FGD6: variants seen among roughly 807,000 people sequenced by gnomAD.
The protein encoded by FGD6 is FYVE, RhoGEF and PH domain containing 6, also known as FYVE, RhoGEF and PH domain-containing protein 6.
A neutral mutation model predicts 149.4 loss-of-function variants in FGD6; 90 were observed. The ratio of observed to expected loss-of-function variants is 0.60; its 90% CI spans 0.51 to 0.72. FGD6 has a LOEUF of 0.72. Ranked by LOEUF, FGD6 falls within the 30% of genes least tolerant of loss-of-function variation. The pLI is 0.00. For synonymous variants in FGD6, 527 were observed against 584.0 expected (o/e 0.90, Z 1.41); for missense variants, 1,437 against 1,684.8 (o/e 0.85, Z 2.57).
intron 5 of FGD6, among the ~76,000 whole-genome samples, chr12:95,149,532 TTA>T (rs949800578): frequency 1.4e-5 from 2 of 138,460 alleles, no homozygotes; most frequent in African/African-American, 2.6e-5. Context: ...TTATATAGTA[TTA>T]TATATATATA....
chr12:95,099,511 C>T (rs1380793054), intron 14 of FGD6, among the ~76,000 whole-genome samples: 1 of 152,174 alleles, frequency 6.6e-6, no homozygotes, highest in East Asian at 1.9e-4. Flanking sequence ...TTCCCTCATG[C>T]CAGCTTGATC....
chr12:95,212,498 A>G (rs1565926322), intron 1 of FGD6, among the ~76,000 whole-genome samples: 3 of 152,254 alleles, frequency 2.0e-5, no homozygotes, highest in African/African-American at 7.2e-5. Flanking sequence ...TAAAGCCTGT[A>G]TATCTGTAAG....
chr12:95,159,299 T>G (rs2136276707), intron 3 of FGD6, among the ~76,000 whole-genome samples: 1 of 152,242 alleles, frequency 6.6e-6, no homozygotes, highest in South Asian at 2.1e-4. Context: ...TAACTAAAAA[T>G]GTGAAAACTG....
At chr12:95,107,090 A>G (rs1489495528) in intron 12 of FGD6, 53 bp from the exon 13 acceptor site, 2 of 1,294,788 alleles carry the variant, frequency 1.5e-6, no homozygotes, top group South Asian at 1.2e-5. Flanking sequence ...TTACTGCCAC[A>G]AAGATTTTGA....
At position 95,210,559 on chromosome 12, in the gene FGD6, T is replaced by A. The variant is rs181311127; in HGVS notation, c.725A>T (p.His242Leu). ...ACATTCATCACTAGGAAGCTGTAAGTGGCAACTGTGATGATCAGGAACTTT... is the reference window on the plus strand; with the variant it reads ...ACATTCATCACTAGGAAGCTGTAAGAGGCAACTGTGATGATCAGGAACTTT... ...FEKVPDHHSC[H>L]LQLPSDECEH... The change falls in exon 2 of 21, where the codon CAC (histidine) becomes CTC (leucine). Residue 242 changes from histidine (H) to leucine (L), a missense_variant. By Grantham distance (99) the His-to-Leu change is moderately conservative (BLOSUM62 -3). Transcript: ENST00000343958. 6.2e-7 allele frequency: 1 copy of A among 1,614,206 alleles called. No homozygotes were observed.
At chr12:95,181,415 C>A (rs921536999) in intron 2 of FGD6, among the ~76,000 whole-genome samples, 1 of 152,134 alleles carries the variant, frequency 6.6e-6, no homozygotes, top group Non-Finnish European at 1.5e-5. Flanking sequence ...CACTCTTGGC[C>A]ATCTAGCTTA....
intron 8 of FGD6, 76 bp downstream of exon 8, chr12:95,134,663 G>A (rs1458880634): frequency 4.6e-6 from 6 of 1,297,942 alleles, no homozygotes; most frequent in South Asian, 3.7e-5. Flanking sequence ...AGAGGCACCC[G>A]AGTTTCATAA....
chr12:95,180,211 A>T (rs1468767635), intron 2 of FGD6, among the ~76,000 whole-genome samples: 1 of 152,138 alleles, frequency 6.6e-6, no homozygotes, highest in East Asian at 1.9e-4. Context: ...AGAAGAGTAC[A>T]TATACACAAA....
chr12:95,106,945 T>C lies in FGD6; in HGVS notation c.3417+9A>G, dbSNP rs1878648152. The C allele has an allele frequency of 6.4e-7, 1 of 1,572,894 alleles. No homozygotes were observed. Among genetic ancestry groups the C allele is most frequent in the Non-Finnish European group, 8.7e-7 (1 of 1,150,794 alleles). On this transcript the variant is annotated intron_variant, in intron 13 of 20. Coordinates refer to ENST00000343958, the MANE Select transcript of FGD6 (RefSeq NM_018351.4). ...AACAAAAAACAAAACATCTAACAGA[T>C]GCACACACCTTCATTCCAGCCAGTG...
At chr12:95,091,579 A>T (rs1279438462) in intron 17 of FGD6, 128 bp downstream of exon 17, 2 of 598,894 alleles carry the variant, frequency 3.3e-6, no homozygotes, top group Non-Finnish European at 5.7e-6. Flanking sequence ...AAGAAAGCTT[A>T]CTACAAATTT....
At chr12:95,169,927 C>T (rs570056087) in intron 3 of FGD6, among the ~76,000 whole-genome samples, 1 of 152,056 alleles carries the variant, frequency 6.6e-6, no homozygotes, top group South Asian at 2.1e-4. Flanking sequence ...TTAAGACCAG[C>T]CTGGCCAACA....
Position 95,085,254 on chromosome 12 carries a change from G to GCC in FGD6, c.4107+524_4107+525dup, listed in dbSNP as rs1257813124. Among the ~76,000 whole-genome samples the GCC allele has an allele frequency of 5.8e-5, 7 of 120,966 alleles. No individual in the cohort carries two copies. The East Asian group carries it at 1.7e-3, about 30-fold the overall frequency. The allele number at this position is 120,966 out of a possible 152,430, so 79.4% of individuals were successfully genotyped here. A position where few individuals can be genotyped will look rare whatever the true frequency, so the allele number is the denominator to read the frequency against. Reference sequence around the variant, plus strand: ...TTTTTTGAGACAGAGTCTCTCTGTTGCCCAGGCTGGAGTGCAGTGGCACGA... The same window carrying GCC: ...TTTTTTGAGACAGAGTCTCTCTGTTGCCCCCAGGCTGGAGTGCAGTGGCACGA... On this transcript the variant is annotated intron_variant, in intron 19 of 20. Coordinates refer to ENST00000343958, the MANE Select transcript of FGD6 (RefSeq NM_018351.4).
Position 95,076,934 on chromosome 12 carries a change from G to A in FGD6, c.*4586C>T, listed in dbSNP as rs1877512242. The A allele has an allele frequency of 6.6e-6, 1 of 151,252 alleles. No homozygotes were observed. Among genetic ancestry groups the A allele is most frequent in the Non-Finnish European group, 1.5e-5 (1 of 67,920 alleles). 9.4% of individuals were successfully genotyped at this position (151,252 alleles called of 1,614,324 possible). A position where few individuals can be genotyped will look rare whatever the true frequency, so the allele number is the denominator to read the frequency against. Reference sequence around the variant, plus strand: ...GATATTTCAAGATTGGTTCTTACATGCTATGACCAACTCATATGAAAGAGC... The same window carrying A: ...GATATTTCAAGATTGGTTCTTACATACTATGACCAACTCATATGAAAGAGC... On this transcript the variant is annotated 3_prime_UTR_variant, in exon 21 of 21. Coordinates refer to ENST00000343958, the MANE Select transcript of FGD6 (RefSeq NM_018351.4).
In FGD6 at chr12:95,177,303, A is replaced by C. The variant is rs1363541593; in HGVS notation, c.2442-4559T>G. Among the ~76,000 whole-genome samples, 4 of 152,180 alleles carry C rather than the reference A, an allele frequency of 2.6e-5. No homozygotes were observed. The East Asian group carries it at 7.7e-4, about 29-fold the overall frequency. Reference sequence around the variant, plus strand: ...GAAGGGATAAGGGATCGGATGGCCGAGAGAAGGAAAGGAAAAGCTGAGTTA... The same window carrying C: ...GAAGGGATAAGGGATCGGATGGCCGCGAGAAGGAAAGGAAAAGCTGAGTTA... On this transcript the variant is annotated intron_variant, in intron 2 of 20. Transcript: ENST00000343958.
intron 6 of FGD6, among the ~76,000 whole-genome samples, chr12:95,139,592 T>A (rs2136261805): frequency 6.6e-6 from 1 of 151,200 alleles, no homozygotes; most frequent in East Asian, 1.9e-4. Flanking sequence ...TGTCTCGGCC[T>A]CCCAAAATAC....
intron 15 of FGD6, among the ~76,000 whole-genome samples, chr12:95,093,446 G>A (rs553325621): frequency 2.3e-4 from 35 of 152,190 alleles, no homozygotes; most frequent in Non-Finnish European, 3.8e-4. Flanking sequence ...TTGGGAGGCC[G>A]AGGCGGGTGG....
chr12:95,087,402 G>C (rs1877915582), intron 18 of FGD6, among the ~76,000 whole-genome samples: 1 of 152,168 alleles, frequency 6.6e-6, no homozygotes, highest in South Asian at 2.1e-4. Flanking sequence ...GCCCTGTCTT[G>C]TTAGGAGACA....
At chr12:95,099,399 C>T (rs1174329854) in intron 14 of FGD6, among the ~76,000 whole-genome samples, 1 of 152,132 alleles carries the variant, frequency 6.6e-6, no homozygotes, top group East Asian at 1.9e-4. Flanking sequence ...GGAGAGACTC[C>T]TTACCCACTT....
At chr12:95,082,237 C>G (rs1294495101) in intron 20 of FGD6, among the ~76,000 whole-genome samples, 1 of 152,196 alleles carries the variant, frequency 6.6e-6, no homozygotes, top group East Asian at 1.9e-4. Context: ...CACTAGTTCC[C>G]TGTCTCCTCC....
Sources: gnomAD v4.1 joint callset for allele counts (sites outside exome capture counted in the v4.1 genomes callset) on GRCh38, gnomAD v4.1.1 for gene constraint, MANE v1.5 for transcripts, NCBI Gene and HGNC (gene_info 2026-07-23, HGNC 2026-07-21) for gene names.